ABTB2: variants seen among roughly 807,000 people sequenced by gnomAD.
ABTB2 encodes ankyrin repeat and BTB domain containing 2, also known as ankyrin repeat and BTB/POZ domain-containing protein 2.
A neutral mutation model predicts 104.1 loss-of-function variants in ABTB2; 56 were observed. The ratio of observed to expected loss-of-function variants is 0.54; its 90% CI spans 0.43 to 0.67. The LOEUF is 0.67. ABTB2 is among the 30% of genes least tolerant of loss of function. The pLI is 0.00. For missense variants in ABTB2, 1,279 were observed against 1,407.7 expected (o/e 0.91, Z 1.46); for synonymous variants, 606 against 608.2 (o/e 1.00, Z 0.05).
chr11:34,203,265 G>T (rs911177487), intron 2 of ABTB2, among the ~76,000 whole-genome samples: 4 of 152,234 alleles, frequency 2.6e-5, no homozygotes, highest in African/African-American at 9.6e-5. Flanking sequence ...ATAACTTGCT[G>T]CATTGTTCTG....
chr11:34,173,724 G>A (rs922902828), intron 3 of ABTB2, among the ~76,000 whole-genome samples: 8 of 152,060 alleles, frequency 5.3e-5, no homozygotes, highest in East Asian at 1.9e-4. Flanking sequence ...AGTCAGGGTC[G>A]CCAAGTGTTC....
rs370579783 is a variant in ABTB2 at position 34,229,121 on chromosome 11, G to GAAAA, written c.884-24435_884-24432dup. Among the ~76,000 whole-genome samples, 216 of 103,772 alleles carry GAAAA rather than the reference G, an allele frequency of 2.1e-3. 7 individuals are homozygous for GAAAA. Among genetic ancestry groups the GAAAA allele is most frequent in the African/African-American group, 6.9e-3 (190 of 27,610 alleles). The allele number at this position is 103,772 out of a possible 152,430, so 68.1% of individuals were successfully genotyped here. ...GGAGACAGAGCAAGACTCCGTCTTG[G>GAAAA]AAAAAAAAAAAAAAGAGAAAAAAGA... On this transcript the variant is annotated intron_variant, in intron 1 of 16. Coordinates refer to ENST00000435224, the MANE Select transcript of ABTB2 (RefSeq NM_145804.3).
rs888249718 is a variant in ABTB2, at chr11:34,248,669, G to C, written c.884-43979C>G. ...CCCTCCCCTCAGCTTCCTTAAGAAC[G>C]TAAAACAAGTTAATTAGTTCACAAG... is the stretch of plus-strand genomic sequence containing the variant. On this transcript the variant is annotated intron_variant, in intron 1 of 16. Transcript: ENST00000435224. Among the ~76,000 whole-genome samples the C allele has an allele frequency of 6.6e-5, 10 of 152,186 alleles. 1 individual carries two copies. Among genetic ancestry groups the C allele is most frequent in the Non-Finnish European group, 7.4e-5 (5 of 68,024 alleles).
In ABTB2 at chr11:34,151,072, C is replaced by T. The variant is rs990923812; in HGVS notation, c.*1315G>A. 21 of 152,698 alleles carry T rather than the reference C, an allele frequency of 1.4e-4. No individual in the cohort carries two copies. Among genetic ancestry groups the T allele is most frequent in the Non-Finnish European group, 2.9e-5 (2 of 68,066 alleles). The allele number at this position is 152,698 out of a possible 1,614,324, so 9.5% of individuals were successfully genotyped here. On this transcript the variant is annotated 3_prime_UTR_variant, in exon 17 of 17. Coordinates refer to ENST00000435224, the MANE Select transcript of ABTB2 (RefSeq NM_145804.3). Reference sequence around the variant, plus strand: ...ATTATTGTACAGTTAAAGTATCATACAATATTACAGCAATAAAATAATGCC... The same window carrying T: ...ATTATTGTACAGTTAAAGTATCATATAATATTACAGCAATAAAATAATGCC...
At position 34,215,499 on chromosome 11, in the gene ABTB2, A is replaced by G. The variant is rs534512488; in HGVS notation, c.884-10809T>C. 5.9e-5 allele frequency among the ~76,000 whole-genome samples: 9 copies of G among 152,380 alleles called. No individual in the cohort carries two copies. In the South Asian group the frequency reaches 1.7e-3, roughly 28 times the overall value. On this transcript the variant is annotated intron_variant, in intron 1 of 16. Coordinates refer to ENST00000435224, the MANE Select transcript of ABTB2 (RefSeq NM_145804.3). The stretch of plus-strand genomic sequence containing the variant: ...CTGCACTGGAGTCCTGCTTATAAAC[A>G]TAACCTGCTTCAATCAGCTTCGGTT...
intron 1 of ABTB2, among the ~76,000 whole-genome samples, chr11:34,228,440 A>G (rs891301563): frequency 1.3e-5 from 2 of 151,860 alleles, no homozygotes; most frequent in African/African-American, 4.8e-5. Context: ...GTCTTGGCTC[A>G]GTAGCATGAT....
At chr11:34,299,283 C>T (rs776535126) in intron 1 of ABTB2, among the ~76,000 whole-genome samples, 25 of 152,078 alleles carry the variant, frequency 1.6e-4, no homozygotes, top group Non-Finnish European at 3.2e-4. Flanking sequence ...AAGCTGTCTT[C>T]GGATCATTTC....
At chr11:34,237,141 C>T (rs922242321) in intron 1 of ABTB2, among the ~76,000 whole-genome samples, 4 of 152,028 alleles carry the variant, frequency 2.6e-5, no homozygotes, top group Non-Finnish European at 5.9e-5. Flanking sequence ...AAAATGGAGC[C>T]CACAGTACCC....
chr11:34,241,468 GGA>G, intron 1 of ABTB2, among the ~76,000 whole-genome samples: 1 of 152,250 alleles, frequency 6.6e-6, no homozygotes, highest in Middle Eastern at 3.4e-3. Context: ...AAACAGGAGT[GGA>G]AGGAATTGAA....
chr11:34,265,131 A>C (rs1854232250), intron 1 of ABTB2, among the ~76,000 whole-genome samples: 1 of 152,238 alleles, frequency 6.6e-6, no homozygotes, highest in Non-Finnish European at 1.5e-5. Flanking sequence ...GCAGGGATAC[A>C]AGGAAAAATA....
intron 1 of ABTB2, among the ~76,000 whole-genome samples, chr11:34,217,328 A>G (rs1002842794): frequency 3.9e-5 from 6 of 152,158 alleles, no homozygotes; most frequent in Non-Finnish European, 8.8e-5. Context: ...ATAATATTCC[A>G]TTGTCTGGAT....
chr11:34,293,277 G>T (rs996880701), intron 1 of ABTB2, among the ~76,000 whole-genome samples: 1 of 152,076 alleles, frequency 6.6e-6, no homozygotes, highest in African/African-American at 2.4e-5. Context: ...GCAGTTCTGG[G>T]CAGGGGACAC....
intron 1 of ABTB2, among the ~76,000 whole-genome samples, chr11:34,228,534 G>T (rs533827078): frequency 6.6e-6 from 1 of 151,860 alleles, no homozygotes; most frequent in Non-Finnish European, 1.5e-5. Flanking sequence ...ACAGGCGCCC[G>T]CCACCATACC....
chr11:34,294,968 C>T (rs1854603606), intron 1 of ABTB2, among the ~76,000 whole-genome samples: 1 of 152,002 alleles, frequency 6.6e-6, no homozygotes. Context: ...CCCACCTCAC[C>T]CTCCCAAAGT....
intron 1 of ABTB2, among the ~76,000 whole-genome samples, chr11:34,220,351 C>T (rs1853605341): frequency 6.6e-6 from 1 of 152,240 alleles, no homozygotes; most frequent in Non-Finnish European, 1.5e-5. Context: ...TGGACATCTT[C>T]CCAGGCTCTC....
Position 34,173,050 on chromosome 11 carries a change from C to T in ABTB2, c.1397+105G>A, listed in dbSNP as rs1414263161. 4.5e-5 allele frequency: 65 copies of T among 1,438,304 alleles called. No individual in the cohort carries two copies. The South Asian group carries it at 7.8e-4, about 17-fold the overall frequency. The allele number at this position is 1,438,304 out of a possible 1,614,324, so 89.1% of individuals were successfully genotyped here. A position where few individuals can be genotyped will look rare whatever the true frequency, so the allele number is the denominator to read the frequency against. The stretch of plus-strand genomic sequence containing the variant: ...GAACAGCTCAAATGTGCTGCAGCCC[C>T]TGCTCTCTGACCCCCGCCCAGCCAT... On this transcript the variant is annotated intron_variant, in intron 4 of 16. Transcript: ENST00000435224.
intron 3 of ABTB2, among the ~76,000 whole-genome samples, chr11:34,196,269 T>C (rs1303639522): frequency 6.6e-6 from 1 of 152,202 alleles, no homozygotes; most frequent in African/African-American, 2.4e-5. Flanking sequence ...AAAGGTATCC[T>C]AAGACCGGGC....
chr11:34,188,313 G>A (rs1001602835), intron 3 of ABTB2, among the ~76,000 whole-genome samples: 5 of 152,178 alleles, frequency 3.3e-5, no homozygotes, highest in African/African-American at 1.2e-4. Context: ...CTGTGCTGAG[G>A]ACACAGCAGG....
chr11:34,161,131 C>T lies in ABTB2; in HGVS notation c.2219-50G>A, dbSNP rs767310161. ...CAGTCACGCACCACAGCTGAGCGCT[C>T]CCGGCACAGACCACAGCCTTTTCTG... On this transcript the variant is annotated intron_variant, in intron 10 of 16. Coordinates refer to ENST00000435224, the MANE Select transcript of ABTB2 (RefSeq NM_145804.3). 4 of 1,518,750 alleles carry T rather than the reference C, an allele frequency of 2.6e-6. No homozygotes were observed. In the Admixed American group the frequency reaches 8.1e-5, roughly 31 times the overall value. The allele number at this position is 1,518,750 out of a possible 1,614,324, so 94.1% of individuals were successfully genotyped here.
Sources: gnomAD v4.1 joint callset for allele counts (sites outside exome capture counted in the v4.1 genomes callset) on GRCh38, gnomAD v4.1.1 for gene constraint, MANE v1.5 for transcripts, NCBI Gene and HGNC (gene_info 2026-07-23, HGNC 2026-07-21) for gene names.